The following RASSF2 variants were observed in gnomAD, a reference collection of about 807,000 sequenced individuals.
RASSF2 encodes ras association domain-containing protein 2.
A neutral mutation model predicts 46.3 loss-of-function variants in RASSF2; 34 were observed. That is an observed-to-expected ratio of 0.73 (90% CI 0.56 to 0.98). RASSF2 has a LOEUF of 0.98. Ranked by LOEUF, RASSF2 falls within the 50% of genes least tolerant of loss-of-function variation. The pLI is 0.00. For synonymous variants in RASSF2, 158 were observed against 162.5 expected (o/e 0.97, Z 0.21); for missense variants, 364 against 431.2 (o/e 0.84, Z 1.38).
intron 1 of RASSF2, 127 bp downstream of exon 1, chr20:4,823,430 C>A (rs1275906441): frequency 6.6e-6 from 1 of 152,252 alleles, no homozygotes; most frequent in African/African-American, 2.4e-5. Context: ...ATCGGCGGGC[C>A]GGGCTCAAAT....
chr20:4,820,214 A>G (rs988236719), intron 2 of RASSF2, among the ~76,000 whole-genome samples: 1 of 152,176 alleles, frequency 6.6e-6, no homozygotes, highest in Non-Finnish European at 1.5e-5. Context: ...ACATTTATAC[A>G]TTCTTCTGGG....
intron 4 of RASSF2, among the ~76,000 whole-genome samples, chr20:4,796,856 T>G (rs535103933): frequency 3.3e-4 from 51 of 152,364 alleles, no homozygotes; most frequent in African/African-American, 1.2e-3. Flanking sequence ...GGGCAGTTCC[T>G]AAAAGAATCG....
chr20:4,801,085 G>T, intron 2 of RASSF2, 23 bp from the exon 3 acceptor site: 2 of 1,589,606 alleles, frequency 1.3e-6, no homozygotes, highest in Non-Finnish European at 1.7e-6. Flanking sequence ...GGAGAAGACA[G>T]AGGTTAAAGT....
chr20:4,804,608 C>A (rs112581888), intron 2 of RASSF2, among the ~76,000 whole-genome samples: 1 of 152,114 alleles, frequency 6.6e-6, no homozygotes, highest in African/African-American at 2.4e-5. Flanking sequence ...CAGAGTGCTG[C>A]GTTTATGGCC....
intron 3 of RASSF2, among the ~76,000 whole-genome samples, chr20:4,798,579 C>T (rs11908176): frequency 0.02 from 3,087 of 152,158 alleles, 92 homozygotes; most frequent in East Asian, 0.11. Context: ...AATCCCAGTA[C>T]TTTGGGAGGC....
At position 4,801,634 on chromosome 20, in the gene RASSF2, C is replaced by T. The variant is rs117771981; in HGVS notation, c.-32-572G>A. Reference sequence around the variant, plus strand: ...AAAATCTATGTAAGTATAAAATATGCATATACATACACACATTTACATGTA... The same window carrying T: ...AAAATCTATGTAAGTATAAAATATGTATATACATACACACATTTACATGTA... On this transcript the variant is annotated intron_variant, in intron 2 of 11. Coordinates refer to ENST00000379400, the MANE Select transcript of RASSF2 (RefSeq NM_014737.3). 7.2e-3 allele frequency among the ~76,000 whole-genome samples: 1,102 copies of T among 152,224 alleles called. 4 individuals are homozygous for T. Among genetic ancestry groups the T allele is most frequent in the Non-Finnish European group, 0.01 (712 of 68,022 alleles).
intron 11 of RASSF2, among the ~76,000 whole-genome samples, chr20:4,785,155 CAAAA>C (rs11454727): frequency 1.1e-5 from 1 of 92,572 alleles, no homozygotes; most frequent in South Asian, 4.0e-4. Context: ...ACTAAAAATA[CAAAA>C]AAAAAAAAAA....
rs185441239 is a variant in RASSF2, at chr20:4,783,826, T to A, written c.*447A>T. The A allele has an allele frequency of 3.5e-4, 56 of 160,214 alleles. No individual in the cohort carries two copies. The highest frequency in any genetic ancestry group is 1.8e-3 in the Admixed American group (29 of 16,550). The allele number at this position is 160,214 out of a possible 1,614,324, so 9.9% of individuals were successfully genotyped here. The stretch of plus-strand genomic sequence containing the variant: ...TAAACACAGACAGACGTGTGGCTGC[T>A]CCCTGGCACTTGAGAGGAGAAATCT... On this transcript the variant is annotated 3_prime_UTR_variant, in exon 12 of 12. Coordinates refer to ENST00000379400, the MANE Select transcript of RASSF2 (RefSeq NM_014737.3).
intron 2 of RASSF2, among the ~76,000 whole-genome samples, chr20:4,804,244 AT>A (rs1022974975): frequency 6.6e-6 from 1 of 150,496 alleles, no homozygotes; most frequent in Non-Finnish European, 1.5e-5. Context: ...AAATTTTATT[AT>A]TTTTTTTACT....
intron 5 of RASSF2, among the ~76,000 whole-genome samples, chr20:4,793,263 A>T (rs1033672618): frequency 6.6e-6 from 1 of 152,190 alleles, no homozygotes; most frequent in Non-Finnish European, 1.5e-5. Context: ...ACTGGCAAAT[A>T]ACTTCTCAAA....
chr20:4,801,567 T>G (rs1163787042), intron 2 of RASSF2, among the ~76,000 whole-genome samples: 1 of 152,156 alleles, frequency 6.6e-6, no homozygotes, highest in Non-Finnish European at 1.5e-5. Context: ...AACAATACAT[T>G]ACAAAAACAC....
rs190387756 is a variant in RASSF2, at chr20:4,815,110, G to A, written c.-33+7219C>T. The A allele has an allele frequency of 3.2e-3, 492 of 152,326 alleles. 2 individuals carry two copies. The highest frequency in any genetic ancestry group is 7.9e-3 in the Admixed American group (121 of 15,304). The allele number at this position is 152,326 out of a possible 1,614,324, so 9.4% of individuals were successfully genotyped here. A position where few individuals can be genotyped will look rare whatever the true frequency, so the allele number is the denominator to read the frequency against. On this transcript the variant is annotated intron_variant, in intron 2 of 11. Transcript: ENST00000379400. ...CGCTTCGGGGAACTCACCTAACAAG[G>A]AACTCACAGCATTTGCCTCAGAGCA...
intron 4 of RASSF2, 150 bp from the exon 5 acceptor site, chr20:4,796,116 C>T: frequency 2.8e-6 from 2 of 721,376 alleles, no homozygotes; most frequent in East Asian, 3.4e-5. Flanking sequence ...CCAGTTCACA[C>T]CGCAGCTCTG....
intron 2 of RASSF2, among the ~76,000 whole-genome samples, chr20:4,804,791 C>A (rs189063071): frequency 1.3e-4 from 19 of 151,878 alleles, no homozygotes; most frequent in African/African-American, 4.6e-4. Context: ...GATGGTGGCT[C>A]AGCAGTCAAG....
intron 2 of RASSF2, among the ~76,000 whole-genome samples, chr20:4,802,107 G>T (rs1385321624): frequency 6.6e-6 from 1 of 151,046 alleles, no homozygotes; most frequent in Non-Finnish European, 1.5e-5. Flanking sequence ...ATGTCACTTT[G>T]TCACCTGGGC....
Position 4,795,948 on chromosome 20 carries a change from C to A in RASSF2, c.154G>T (p.Val52Leu). The A allele has an allele frequency of 6.5e-7, 1 of 1,536,344 alleles. No individual in the cohort carries two copies. The highest frequency in any genetic ancestry group is 8.8e-7 in the Non-Finnish European group (1 of 1,135,976). The change falls in exon 5 of 12, where the codon GTG becomes TTG. Residue 52 changes from valine to leucine, a missense_variant. Transcript: ENST00000379400. The surrounding 1 kb of genome is among the most constrained non-coding windows in gnomAD (Gnocchi z 4.0). ...CAGGAGATGTTCAGGAGCCCCTCCACAATGAACTCGTCTTCTTCCTGCCCA... is the reference window on the plus strand; with the variant it reads ...CAGGAGATGTTCAGGAGCCCCTCCAAAATGAACTCGTCTTCTTCCTGCCCA... ...RHREEEDEFI[V>L]EGLLNISWGL... is the part of the protein sequence containing the mutation.
chr20:4,810,625 G>A (rs1049376313), intron 2 of RASSF2, among the ~76,000 whole-genome samples: 10 of 152,222 alleles, frequency 6.6e-5, no homozygotes, highest in Admixed American at 6.5e-4. Flanking sequence ...CAAGGGAGGG[G>A]CAGCCCTGGC....
chr20:4,789,046 A>C (rs1423784711), intron 8 of RASSF2, among the ~76,000 whole-genome samples: 2 of 152,196 alleles, frequency 1.3e-5, no homozygotes, highest in Non-Finnish European at 2.9e-5. Context: ...GGCTTCCATT[A>C]AAAATAAGAA....
chr20:4,801,983 G>T (rs756333665), intron 2 of RASSF2, among the ~76,000 whole-genome samples: 1 of 152,028 alleles, frequency 6.6e-6, no homozygotes, highest in Non-Finnish European at 1.5e-5. Flanking sequence ...CAGGTGATCC[G>T]CCCGCCTCAG....
Sources: gnomAD v4.1 joint callset for allele counts (sites outside exome capture counted in the v4.1 genomes callset) on GRCh38, gnomAD v4.1.1 for gene constraint, Gnocchi (gnomAD v3.1) non-coding constraint, MANE v1.5 for transcripts, NCBI Gene and HGNC (gene_info 2026-07-23, HGNC 2026-07-21) for gene names.